Variants in USP15 observed in about 807,000 individuals in gnomAD.
USP15 encodes ubiquitin carboxyl-terminal hydrolase 15.
In USP15, 18 loss-of-function variants were observed where a neutral mutation model predicts 127.1. The ratio of observed to expected loss-of-function variants is 0.14; its 90% CI spans 0.10 to 0.21. The LOEUF is 0.21. USP15 is among the 10% of genes least tolerant of loss of function. The pLI, the probability that USP15 is intolerant of heterozygous loss-of-function variation, is 1.00. For missense variants in USP15, 805 were observed against 1,159.9 expected, an observed-to-expected ratio of 0.69 and a Z score of 4.44; for synonymous variants, 364 against 393.7, an observed-to-expected ratio of 0.92 and a Z score of 0.89.
chr12:62,294,056 T>C, intron 1 of USP15, 123 bp from the exon 2 acceptor site: 1 of 1,042,074 alleles, frequency 9.6e-7, no homozygotes. Context: ...CATTACAGTT[T>C]TCAAATATCC....
chr12:62,276,995 A>G (rs1013929307), intron 1 of USP15, among the ~76,000 whole-genome samples: 3 of 152,118 alleles, frequency 2.0e-5, no homozygotes, highest in South Asian at 2.1e-4. Context: ...ACTGAACACT[A>G]TCACTTTTGC....
At chr12:62,302,703 C>T in intron 2 of USP15, 87 bp from the exon 3 acceptor site, 2 of 1,400,374 alleles carry the variant, frequency 1.4e-6, no homozygotes, top group Non-Finnish European at 1.9e-6. Context: ...GTTTTAAATA[C>T]TTAAATTAGC....
At chr12:62,319,198 G>T (rs971239961) in intron 4 of USP15, among the ~76,000 whole-genome samples, 2 of 152,126 alleles carry the variant, frequency 1.3e-5, no homozygotes, top group Non-Finnish European at 2.9e-5. Flanking sequence ...AGAGCAAAGG[G>T]GGAAGTGCTA....
intron 4 of USP15, among the ~76,000 whole-genome samples, chr12:62,318,587 T>C (rs2064899878): frequency 6.6e-6 from 1 of 152,148 alleles, no homozygotes. Context: ...GGTGATTTCT[T>C]TTGTTCTCCT....
chr12:62,381,355 A>T, intron 8 of USP15, 135 bp from the exon 9 acceptor site: 1 of 656,922 alleles, frequency 1.5e-6, no homozygotes, highest in Non-Finnish European at 2.4e-6. Context: ...TTGACCAGTT[A>T]TTAGTGCAAG....
intron 3 of USP15, among the ~76,000 whole-genome samples, chr12:62,307,693 A>G (rs1270267931): frequency 6.6e-6 from 1 of 152,138 alleles, no homozygotes; most frequent in Admixed American, 6.6e-5. Context: ...GAGTAACATG[A>G]TGCCATCCCA....
intron 1 of USP15, among the ~76,000 whole-genome samples, chr12:62,292,235 G>C (rs1269748336): frequency 6.6e-6 from 1 of 152,192 alleles, no homozygotes; most frequent in Non-Finnish European, 1.5e-5. Context: ...CTCCTATTCT[G>C]GTGCTCAGGT....
At chr12:62,346,231 T>C (rs2065813536) in intron 6 of USP15, among the ~76,000 whole-genome samples, 1 of 152,204 alleles carries the variant, frequency 6.6e-6, no homozygotes, top group African/African-American at 2.4e-5. Context: ...AAAAGAAATA[T>C]AAGAGTTAAG....
chr12:62,325,782 T>G, intron 5 of USP15, 90 bp from the exon 6 acceptor site: 1 of 1,064,064 alleles, frequency 9.4e-7, no homozygotes, highest in South Asian at 1.7e-5. Context: ...ACAGAGTTAC[T>G]TTAGTTTCTT....
chr12:62,365,403 G>GT (rs1214133885), intron 8 of USP15, among the ~76,000 whole-genome samples: 1 of 151,982 alleles, frequency 6.6e-6, no homozygotes, highest in Non-Finnish European at 1.5e-5. Flanking sequence ...GGGGTTGTTT[G>GT]TTTTTTTCTT....
intron 8 of USP15, among the ~76,000 whole-genome samples, chr12:62,356,485 G>A (rs1171086997): frequency 6.6e-6 from 1 of 151,798 alleles, no homozygotes; most frequent in Non-Finnish European, 1.5e-5. Context: ...TAGCATTCTT[G>A]GAAATTAGAA....
chr12:62,360,011 G>A lies in USP15; in HGVS notation c.915+4536G>A, dbSNP rs1263938710. 2.0e-5 allele frequency among the ~76,000 whole-genome samples: 3 copies of A among 152,030 alleles called. No individual in the cohort carries two copies. The South Asian group carries it at 6.2e-4, about 32-fold the overall frequency. ...GCATTATTGGTGATAATTTTAATTA[G>A]CATTAGTTCAGTAGATTCAAGAGCA... On this transcript the variant is annotated intron_variant, in intron 8 of 21. Transcript: ENST00000280377.
chr12:62,280,024 A>G (rs955451078), intron 1 of USP15, among the ~76,000 whole-genome samples: 2 of 152,150 alleles, frequency 1.3e-5, no homozygotes, highest in African/African-American at 4.8e-5. Flanking sequence ...CTGTGTGTAT[A>G]TATACTCCAT....
intron 1 of USP15, among the ~76,000 whole-genome samples, chr12:62,267,889 T>C (rs2063236219): frequency 6.6e-6 from 1 of 152,144 alleles, no homozygotes; most frequent in South Asian, 2.1e-4. Flanking sequence ...TTCTGTTATT[T>C]ACCCATATGT....
chr12:62,329,188 A>G (rs1018861560), intron 6 of USP15, among the ~76,000 whole-genome samples: 1 of 152,198 alleles, frequency 6.6e-6, no homozygotes, highest in Non-Finnish European at 1.5e-5. Context: ...CCTGGCCAAC[A>G]TGGTGAAATC....
intron 8 of USP15, among the ~76,000 whole-genome samples, chr12:62,369,655 CT>C (rs2066597375): frequency 6.6e-6 from 1 of 152,080 alleles, no homozygotes; most frequent in Non-Finnish European, 1.5e-5. Context: ...CTGTTATTTA[CT>C]ATATTTGATA....
At chr12:62,312,098 C>T (rs1451807136) in intron 3 of USP15, among the ~76,000 whole-genome samples, 1 of 149,592 alleles carries the variant, frequency 6.7e-6, no homozygotes, top group African/African-American at 2.5e-5. Context: ...TATCTGTTCT[C>T]ACTCAGGCTC....
intron 6 of USP15, among the ~76,000 whole-genome samples, chr12:62,329,841 T>A (rs564885142): frequency 3.0e-4 from 46 of 152,310 alleles, no homozygotes; most frequent in African/African-American, 9.6e-4. Flanking sequence ...GAGTGTAAAC[T>A]AATATTGTCA....
At chr12:62,298,985 T>C (rs552693773) in intron 2 of USP15, among the ~76,000 whole-genome samples, 13 of 152,118 alleles carry the variant, frequency 8.5e-5, no homozygotes, top group Non-Finnish European at 1.8e-4. Context: ...AAACATTCCT[T>C]GTACCCATTA....
Sources: gnomAD v4.1 joint callset for allele counts (sites outside exome capture counted in the v4.1 genomes callset) on GRCh38, gnomAD v4.1.1 for gene constraint, MANE v1.5 for transcripts, NCBI Gene and HGNC (gene_info 2026-07-23, HGNC 2026-07-21) for gene names.